Variants in TTL observed in about 807,000 individuals in gnomAD.
TTL encodes the protein tubulin tyrosine ligase.
Under a neutral mutation model 41.1 loss-of-function variants are expected in TTL, and 10 were observed. The ratio of observed to expected loss-of-function variants is 0.24; its 90% CI spans 0.15 to 0.41. TTL has a LOEUF of 0.41. TTL is among the 10% of genes least tolerant of loss of function. The pLI is 1.00. For missense variants in TTL, 367 were observed against 460.4 expected, an observed-to-expected ratio of 0.80 and a Z score of 1.86; for synonymous variants, 175 against 175.5, an observed-to-expected ratio of 1.00 and a Z score of 0.02.
intron 5 of TTL, among the ~76,000 whole-genome samples, chr2:112,518,037 T>TGCAACCTCTGCCTCCC (rs1682117555): frequency 6.6e-6 from 1 of 151,720 alleles, no homozygotes; most frequent in African/African-American, 2.4e-5. Context: ...CCTTGGCTCA[T>TGCAACCTCTGCCTCCC]GCAACCTCTG....
intron 6 of TTL, chr2:112,522,173 A>C (rs538223032): frequency 6.6e-6 from 1 of 152,656 alleles, no homozygotes; most frequent in Non-Finnish European, 1.5e-5. Context: ...CCCTGATGCC[A>C]CATCCTGTTC....
At chr2:112,485,422 A>G (rs1308475205) in intron 1 of TTL, among the ~76,000 whole-genome samples, 1 of 152,122 alleles carries the variant, frequency 6.6e-6, no homozygotes, top group African/African-American at 2.4e-5. Flanking sequence ...CCTCTCCACT[A>G]CCTTCCTTCA....
intron 5 of TTL, among the ~76,000 whole-genome samples, chr2:112,510,406 G>A (rs571813797): frequency 2.6e-5 from 4 of 152,252 alleles, no homozygotes; most frequent in African/African-American, 9.6e-5. Flanking sequence ...TGGGATTATA[G>A]GTGTGAGCCA....
At chr2:112,492,422 TAAC>T (rs1655658366) in intron 2 of TTL, among the ~76,000 whole-genome samples, 1 of 151,962 alleles carries the variant, frequency 6.6e-6, no homozygotes, top group Non-Finnish European at 1.5e-5. Flanking sequence ...CTGTCTCTAT[TAAC>T]AATACAAAAA....
chr2:112,523,893 C>T (rs943234792), intron 6 of TTL, among the ~76,000 whole-genome samples: 1 of 151,928 alleles, frequency 6.6e-6, no homozygotes, highest in African/African-American at 2.4e-5. Context: ...GTGCTGTACC[C>T]ATTAACTCAT....
At position 112,491,866 on chromosome 2, in the gene TTL, CT is replaced by C. The variant is rs967896485; in HGVS notation, c.237-2268del. On this transcript the variant is annotated intron_variant, in intron 2 of 6. Transcript: ENST00000233336. ...ATCTGTGGCATACCTCCTTTCAGTT[CT>C]TTTTTTTTAAATCTCTTACTGTCCT... Among the ~76,000 whole-genome samples, 181 of 151,722 alleles carry C rather than the reference CT, an allele frequency of 1.2e-3. 1 individual carries two copies. Among genetic ancestry groups the C allele is most frequent in the African/African-American group, 3.9e-3 (161 of 41,372 alleles).
chr2:112,485,291 G>T (rs921153594), intron 1 of TTL, among the ~76,000 whole-genome samples: 6 of 152,052 alleles, frequency 3.9e-5, no homozygotes, highest in African/African-American at 1.4e-4. Context: ...TTTTCTTTGT[G>T]TCCTTTCTGC....
chr2:112,493,382 C>G (rs1178835237), intron 2 of TTL, among the ~76,000 whole-genome samples: 1 of 151,384 alleles, frequency 6.6e-6, no homozygotes, highest in Admixed American at 6.6e-5. Context: ...CTTGGGAGTT[C>G]GGGCCTGCAT....
chr2:112,493,762 T>C (rs1164021927), intron 2 of TTL, among the ~76,000 whole-genome samples: 1 of 152,248 alleles, frequency 6.6e-6, no homozygotes, highest in Admixed American at 6.5e-5. Context: ...ATAGTCTTTT[T>C]GCTACTTAAA....
At chr2:112,497,952 G>A (rs940786192) in intron 3 of TTL, among the ~76,000 whole-genome samples, 1 of 152,176 alleles carries the variant, frequency 6.6e-6, no homozygotes, top group Non-Finnish European at 1.5e-5. Context: ...CCATGTTACG[G>A]GATATGAGAG....
intron 1 of TTL, among the ~76,000 whole-genome samples, chr2:112,485,098 C>T (rs969796231): frequency 4.6e-5 from 7 of 151,884 alleles, no homozygotes; most frequent in Admixed American, 6.6e-5. Flanking sequence ...TACCGGTGTG[C>T]GCCACCACGC....
Position 112,536,925 on chromosome 2 carries a change from T to C in TTL, c.*8130T>C, listed in dbSNP as rs988461072. ...ACTATATTTTCTTTATCCAATCCAC[T>C]GTTGATGGGCACCTAGGTTGATTCC... On this transcript the variant is annotated 3_prime_UTR_variant, in exon 7 of 7. Coordinates refer to ENST00000233336, the MANE Select transcript of TTL (RefSeq NM_153712.5). The C allele has an allele frequency of 1.3e-5, 2 of 152,216 alleles. No individual in the cohort carries two copies. The highest frequency in any genetic ancestry group is 2.9e-5 in the Non-Finnish European group (2 of 68,036). 9.4% of individuals were successfully genotyped at this position (152,216 alleles called of 1,614,324 possible).
chr2:112,489,672 A>G (rs749259330), intron 2 of TTL, among the ~76,000 whole-genome samples: 7 of 152,230 alleles, frequency 4.6e-5, no homozygotes, highest in Non-Finnish European at 7.3e-5. Flanking sequence ...TTTTTTGCAT[A>G]CTGAATCATG....
intron 5 of TTL, among the ~76,000 whole-genome samples, chr2:112,515,946 C>G (rs1166927178): frequency 1.5e-5 from 2 of 130,250 alleles, no homozygotes; most frequent in Non-Finnish European, 3.2e-5. Context: ...GACTCCATCT[C>G]AGAATAAATA....
At chr2:112,496,921 C>G (rs1423979655) in intron 3 of TTL, among the ~76,000 whole-genome samples, 4 of 151,914 alleles carry the variant, frequency 2.6e-5, no homozygotes, top group East Asian at 1.9e-4. Context: ...CCCAGGTTCA[C>G]GCCATTCTCC....
intron 5 of TTL, among the ~76,000 whole-genome samples, chr2:112,512,928 G>A (rs558692958): frequency 3.4e-5 from 5 of 148,454 alleles, no homozygotes; most frequent in Non-Finnish European, 3.0e-5. Context: ...TTCCTGTTGA[G>A]TATTTGGCGC....
At chr2:112,521,184 G>C (rs1475142505) in intron 6 of TTL, 2 of 985,232 alleles carry the variant, frequency 2.0e-6, no homozygotes, top group East Asian at 2.3e-4. Context: ...AAGAGGTGCA[G>C]CGTCCTGTGG....
intron 5 of TTL, 102 bp downstream of exon 5, chr2:112,503,283 G>T: frequency 9.2e-7 from 1 of 1,085,016 alleles, no homozygotes; most frequent in South Asian, 1.7e-5. Context: ...CTAATTTATG[G>T]TCAAAAATTT....
intron 4 of TTL, among the ~76,000 whole-genome samples, chr2:112,502,528 T>C (rs914400197): frequency 1.3e-5 from 2 of 151,274 alleles, no homozygotes; most frequent in Non-Finnish European, 2.9e-5. Flanking sequence ...TCCCAGCTAC[T>C]GAGGAGGCTG....
Sources: allele counts gnomAD v4.1 joint callset (sites outside exome capture counted in the v4.1 genomes callset), GRCh38; gene constraint gnomAD v4.1.1; transcripts MANE v1.5; gene names NCBI Gene and HGNC (gene_info 2026-07-23, HGNC 2026-07-21).